The following ERBB4 variants were observed in gnomAD, a reference collection of about 807,000 sequenced individuals.
ERBB4 encodes erb-b2 receptor tyrosine kinase 4, also known as receptor tyrosine-protein kinase erbB-4.
In ERBB4, 42 loss-of-function variants were observed where a neutral mutation model predicts 158.0. The ratio of observed to expected loss-of-function variants is 0.27; its 90% confidence interval spans 0.21 to 0.34. The LOEUF (loss-of-function observed/expected upper bound fraction) is 0.34, where lower values mean the gene tolerates loss of function less well. Ranked by LOEUF, ERBB4 falls within the 10% of genes least tolerant of loss-of-function variation. ERBB4 has a pLI of 1.00. For missense variants in ERBB4, 1,333 were observed against 1,624.1 expected (o/e 0.82, Z 3.08); for synonymous variants, 583 against 558.7 (o/e 1.04, Z -0.61).
chr2:211,410,146 TG>T, intron 25 of ERBB4, among the ~76,000 whole-genome samples: 1 of 152,326 alleles, frequency 6.6e-6, no homozygotes, highest in African/African-American at 2.4e-5. Context: ...TAAATTATGT[TG>T]TCCATATTGT....
rs4672612 is a variant in ERBB4 at position 211,380,764 on chromosome 2, A to G, written c.*2851T>C. 142,168 of 231,410 alleles carry G rather than the reference A, an allele frequency of 0.61. 44,811 individuals are homozygous for G. The highest frequency in any genetic ancestry group is 0.77 in the East Asian group (12,531 of 16,322). The allele number at this position is 231,410 out of a possible 1,614,324, so 14.3% of individuals were successfully genotyped here. A position where few individuals can be genotyped will look rare whatever the true frequency, so the allele number is the denominator to read the frequency against. On this transcript the variant is annotated 3_prime_UTR_variant, in exon 28 of 28. Transcript: ENST00000342788. ...GTCATTTTGGATTATTCCTACATGCATCTCTAGGTATTACCCAACATGTAG... is the reference window on the plus strand; with the variant it reads ...GTCATTTTGGATTATTCCTACATGCGTCTCTAGGTATTACCCAACATGTAG...
chr2:211,467,431 G>A (rs975581654), intron 20 of ERBB4, among the ~76,000 whole-genome samples: 40 of 152,228 alleles, frequency 2.6e-4, no homozygotes, highest in Admixed American at 5.2e-4. Context: ...TCAATATTAG[G>A]TGTGTTGTTT....
intron 4 of ERBB4, among the ~76,000 whole-genome samples, chr2:211,773,598 TTATATATATATATATATATATATATATA>T (rs1171015959): frequency 7.4e-4 from 22 of 29,778 alleles, no homozygotes; most frequent in Non-Finnish European, 1.2e-3. Flanking sequence ...TTCTGTAACT[TTATATATATATATATATATATATATATA>T]TATATATATA....
intron 3 of ERBB4, among the ~76,000 whole-genome samples, chr2:211,858,562 G>A (rs948094749): frequency 6.6e-6 from 1 of 150,616 alleles, no homozygotes; most frequent in African/African-American, 2.4e-5. Context: ...TGGGAACAGA[G>A]TTAATAAAAT....
chr2:211,664,976 C>T (rs1315441001), intron 15 of ERBB4, among the ~76,000 whole-genome samples: 1 of 152,108 alleles, frequency 6.6e-6, no homozygotes, highest in African/African-American at 2.4e-5. Context: ...ATTTGATAAA[C>T]ACAAACCTCA....
At chr2:211,848,733 C>T (rs1253185341) in intron 3 of ERBB4, among the ~76,000 whole-genome samples, 1 of 152,022 alleles carries the variant, frequency 6.6e-6, no homozygotes, top group Admixed American at 6.6e-5. Context: ...ACCTGGAAGT[C>T]ACCCAACACA....
chr2:211,602,345 C>T (rs1168369724), intron 19 of ERBB4, among the ~76,000 whole-genome samples: 1 of 152,062 alleles, frequency 6.6e-6, no homozygotes, highest in African/African-American at 2.4e-5. Context: ...ACACCATCTG[C>T]ACTCAGTGGC....
At chr2:212,460,369 G>A (rs1021541510) in intron 1 of ERBB4, among the ~76,000 whole-genome samples, 4 of 152,112 alleles carry the variant, frequency 2.6e-5, no homozygotes, top group Non-Finnish European at 5.9e-5. Flanking sequence ...CAGTTTGGAG[G>A]GCTGATAGGA....
Position 211,550,733 on chromosome 2 carries a change from C to T in ERBB4, c.2487+11170G>A, listed in dbSNP as rs1056884146. On this transcript the variant is annotated intron_variant, in intron 20 of 27. Coordinates refer to ENST00000342788, the MANE Select transcript of ERBB4 (RefSeq NM_005235.3). ...ATATATATATATATATATATATATA[C>T]ACACACACACATGCATTTCATTGGT... is the stretch of plus-strand genomic sequence containing the variant. 2.7e-4 allele frequency among the ~76,000 whole-genome samples: 36 copies of T among 134,836 alleles called. No homozygotes were observed. The East Asian group carries it at 4.5e-3, about 17-fold the overall frequency. The allele number at this position is 134,836 out of a possible 152,430, so 88.5% of individuals were successfully genotyped here.
rs192741297 is a variant in ERBB4 at position 211,850,518 on chromosome 2, A to T, written c.422-62359T>A. ...CAGATATTTAGAAGTATATTAAACAACAGGGTACAGCTTTCTACAGGCATT... is the reference window on the plus strand; with the variant it reads ...CAGATATTTAGAAGTATATTAAACATCAGGGTACAGCTTTCTACAGGCATT... On this transcript the variant is annotated intron_variant, in intron 3 of 27. Coordinates refer to ENST00000342788, the MANE Select transcript of ERBB4 (RefSeq NM_005235.3). 7.2e-5 allele frequency among the ~76,000 whole-genome samples: 11 copies of T among 152,056 alleles called. No individual in the cohort carries two copies. The East Asian group carries it at 1.5e-3, about 21-fold the overall frequency.
intron 1 of ERBB4, among the ~76,000 whole-genome samples, chr2:212,297,206 T>A (rs17346823): frequency 0.03 from 4,504 of 152,090 alleles, 85 homozygotes; most frequent in Middle Eastern, 0.044. Flanking sequence ...TAAAATTAAT[T>A]GGTAGCAATA....
intron 3 of ERBB4, among the ~76,000 whole-genome samples, chr2:211,793,114 C>T (rs1423537001): frequency 3.3e-5 from 5 of 151,842 alleles, no homozygotes; most frequent in Non-Finnish European, 7.4e-5. Context: ...ACCCCATGCA[C>T]AATTTGTAAC....
At chr2:211,667,927 A>T (rs1476317849) in intron 14 of ERBB4, among the ~76,000 whole-genome samples, 1 of 152,156 alleles carries the variant, frequency 6.6e-6, no homozygotes, top group East Asian at 1.9e-4. Flanking sequence ...TGTGACACTT[A>T]ATGACCGGGA....
intron 2 of ERBB4, among the ~76,000 whole-genome samples, chr2:212,110,129 A>G (rs1296528887): frequency 6.6e-6 from 1 of 152,216 alleles, no homozygotes; most frequent in Non-Finnish European, 1.5e-5. Flanking sequence ...AGATAACTGC[A>G]GCAAAAGTTG....
At chr2:211,566,058 C>T (rs538248136) in intron 19 of ERBB4, among the ~76,000 whole-genome samples, 3 of 152,258 alleles carry the variant, frequency 2.0e-5, no homozygotes, top group Non-Finnish European at 2.9e-5. Context: ...CTGGAAGTTC[C>T]GGGTGCACTT....
intron 1 of ERBB4, among the ~76,000 whole-genome samples, chr2:212,274,442 A>T (rs536704499): frequency 2.0e-4 from 31 of 151,952 alleles, no homozygotes; most frequent in African/African-American, 6.5e-4. Flanking sequence ...GCTCATGCTG[A>T]GATGATTAGC....
chr2:212,324,555 A>G (rs1265946830), intron 1 of ERBB4, among the ~76,000 whole-genome samples: 1 of 149,008 alleles, frequency 6.7e-6, no homozygotes, highest in Non-Finnish European at 1.5e-5. Flanking sequence ...TAGGAATTCT[A>G]CATCTGTTTA....
At chr2:211,567,824 C>A (rs2067596308) in intron 19 of ERBB4, among the ~76,000 whole-genome samples, 1 of 146,130 alleles carries the variant, frequency 6.8e-6, no homozygotes, top group African/African-American at 2.5e-5. Context: ...TAGCAGATGG[C>A]TGGTTTGGAG....
At chr2:211,898,025 C>A (rs1477752520) in intron 3 of ERBB4, among the ~76,000 whole-genome samples, 5 of 151,956 alleles carry the variant, frequency 3.3e-5, no homozygotes, top group Non-Finnish European at 5.9e-5. Flanking sequence ...TGGCCTTCCA[C>A]AGTGCTGGGG....
Sources: gnomAD v4.1 joint callset for allele counts (sites outside exome capture counted in the v4.1 genomes callset) on GRCh38, gnomAD v4.1.1 for gene constraint, MANE v1.5 for transcripts, NCBI Gene and HGNC (gene_info 2026-07-23, HGNC 2026-07-21) for gene names.